Variants in UBAP2 observed in about 807,000 individuals in gnomAD.
UBAP2 encodes ubiquitin-associated protein 2.
UBAP2 carries 75 observed loss-of-function variants against 139.6 expected under a neutral mutation model. The ratio of observed to expected loss-of-function variants is 0.54; its 90% CI spans 0.45 to 0.65. The LOEUF is 0.65. Among genes scored for constraint, UBAP2 ranks in the 30% least tolerant of loss-of-function variants. The pLI is 0.00. For missense variants in UBAP2, 1,368 were observed against 1,369.6 expected (o/e 1.00, Z 0.02); for synonymous variants, 526 against 526.2 (o/e 1.00, Z 0.01).
chr9:33,945,601 C>G (rs1319326107), intron 13 of UBAP2, among the ~76,000 whole-genome samples: 1 of 152,220 alleles, frequency 6.6e-6, no homozygotes, highest in African/African-American at 2.4e-5. Flanking sequence ...AAGGCAAACA[C>G]TGTACCCGGT....
intron 8 of UBAP2, among the ~76,000 whole-genome samples, chr9:33,970,964 G>A (rs1254750922): frequency 6.6e-6 from 1 of 151,906 alleles, no homozygotes; most frequent in African/African-American, 2.4e-5. Context: ...CACCATGCCC[G>A]GCTAATTTTT....
chr9:34,033,418 T>C (rs761226861), intron 1 of UBAP2, among the ~76,000 whole-genome samples: 2 of 152,018 alleles, frequency 1.3e-5, no homozygotes, highest in Admixed American at 6.6e-5. Context: ...ATCAAAACAA[T>C]TGAACTCATA....
At chr9:34,025,936 C>T (rs147501590) in intron 1 of UBAP2, among the ~76,000 whole-genome samples, 7 of 152,102 alleles carry the variant, frequency 4.6e-5, no homozygotes, top group East Asian at 1.9e-4. Context: ...GTGAAACAGC[C>T]GCATTTTCAA....
At chr9:34,026,996 C>T (rs1825453471) in intron 1 of UBAP2, among the ~76,000 whole-genome samples, 1 of 152,168 alleles carries the variant, frequency 6.6e-6, no homozygotes, top group African/African-American at 2.4e-5. Context: ...CAGATCTCAC[C>T]TAGCTTCTCA....
At chr9:33,979,055 C>G (rs1389893180) in intron 6 of UBAP2, among the ~76,000 whole-genome samples, 1 of 151,992 alleles carries the variant, frequency 6.6e-6, no homozygotes, top group Non-Finnish European at 1.5e-5. Flanking sequence ...CTGGGCAACA[C>G]ACAGAGACCT....
At chr9:34,017,359 G>A (rs1001762083) in intron 1 of UBAP2, among the ~76,000 whole-genome samples, 170 bp from the exon 2 acceptor site, 1 of 152,078 alleles carries the variant, frequency 6.6e-6, no homozygotes, top group Non-Finnish European at 1.5e-5. Flanking sequence ...AAACCAATTC[G>A]ACTACTGCAA....
At chr9:34,019,038 T>C (rs1824658897) in intron 1 of UBAP2, among the ~76,000 whole-genome samples, 2 of 152,114 alleles carry the variant, frequency 1.3e-5, no homozygotes, top group African/African-American at 2.4e-5. Flanking sequence ...AGGGAAGATA[T>C]TCTAACACAT....
chr9:33,973,067 T>C, intron 7 of UBAP2, 116 bp downstream of exon 7: 1 of 884,800 alleles, frequency 1.1e-6, no homozygotes, highest in Non-Finnish European at 1.8e-6. Context: ...TCTCTTTAAG[T>C]ATAGAAAACA....
At chr9:34,029,766 G>C (rs145507881) in intron 1 of UBAP2, among the ~76,000 whole-genome samples, 2,290 of 149,964 alleles carry the variant, frequency 0.015, 20 homozygotes, top group Middle Eastern at 0.03. Flanking sequence ...AAGGCAGGTG[G>C]ATCATGAGAT....
intron 12 of UBAP2, 71 bp downstream of exon 12, chr9:33,953,214 A>G (rs1445365525): frequency 4.4e-6 from 6 of 1,367,474 alleles, no homozygotes; most frequent in South Asian, 2.8e-5. Flanking sequence ...TAAAGCATGT[A>G]TCATATTCTA....
chr9:34,039,413 G>A (rs1266813948), intron 1 of UBAP2, among the ~76,000 whole-genome samples: 1 of 152,214 alleles, frequency 6.6e-6, no homozygotes, highest in Non-Finnish European at 1.5e-5. Context: ...GAATAGAAAA[G>A]GGGGAAATGT....
chr9:33,947,782 GCCACTGTA>G (rs1825758095), intron 13 of UBAP2, among the ~76,000 whole-genome samples: 1 of 151,050 alleles, frequency 6.6e-6, no homozygotes, highest in African/African-American at 2.4e-5. Flanking sequence ...GCGTTACTGT[GCCACTGTA>G]CTCCAGCCTG....
chr9:33,952,233 C>T (rs144982320), intron 12 of UBAP2, among the ~76,000 whole-genome samples: 1 of 152,270 alleles, frequency 6.6e-6, no homozygotes, highest in African/African-American at 2.4e-5. Flanking sequence ...TTCTAACTTC[C>T]CCTTGCCAGC....
chr9:34,041,011 C>CT (rs955510870), intron 1 of UBAP2, among the ~76,000 whole-genome samples: 19 of 152,116 alleles, frequency 1.2e-4, no homozygotes, highest in African/African-American at 4.6e-4. Context: ...AGAAAATGGA[C>CT]TTTGTTTGTT....
At chr9:33,927,517 T>C (rs1395665627) in intron 20 of UBAP2, among the ~76,000 whole-genome samples, 2 of 152,120 alleles carry the variant, frequency 1.3e-5, no homozygotes, top group Non-Finnish European at 1.5e-5. Flanking sequence ...GAGCCCACCA[T>C]AAGTCATCCC....
At chr9:34,026,818 T>A (rs1329815878) in intron 1 of UBAP2, among the ~76,000 whole-genome samples, 6 of 152,166 alleles carry the variant, frequency 3.9e-5, no homozygotes, top group Admixed American at 2.6e-4. Context: ...CCCAGGACAT[T>A]TGGCTCTACA....
In UBAP2 at chr9:33,948,410, G is replaced by T. The variant is rs1050757981; in HGVS notation, c.1234C>A (p.Pro412Thr). ...AGGACTGAGGACTGGGATGTTGGGG[G>T]CTTGAGGTCCCAAGAAGTAGTAGTT... Reference protein sequence around the residue: ...PTTTTSWDLKPPTSQSSVLSH... With the variant: ...PTTTTSWDLKTPTSQSSVLSH... Residue 412 changes from proline to threonine, a missense_variant, in exon 13 of 29, where the codon CCC (proline) becomes ACC (threonine). By Grantham distance (38) the Pro-to-Thr change is conservative. Coordinates refer to ENST00000379238, the MANE Select transcript of UBAP2 (RefSeq NM_001370062.2). 6.2e-7 allele frequency: 1 copy of T among 1,613,504 alleles called. No homozygotes were observed. Among genetic ancestry groups the T allele is most frequent in the East Asian group, 2.2e-5 (1 of 44,868 alleles).
At chr9:33,955,834 GA>G (rs34598165) in intron 11 of UBAP2, among the ~76,000 whole-genome samples, 2,511 of 75,010 alleles carry the variant, frequency 0.033, 70 homozygotes, top group African/African-American at 0.1. Flanking sequence ...TCTCAAAATA[GA>G]AAAAAAAAAA....
chr9:33,996,284 T>A lies in UBAP2; in HGVS notation c.227A>T (p.His76Leu). Residue 76 changes from histidine to leucine, a missense_variant, in exon 4 of 29, where the codon CAT (histidine) becomes CTT (leucine). By Grantham distance (99) the His-to-Leu change is moderately conservative. Transcript: ENST00000379238. ...KNQDECIVAL[H>L]DCNGDVNKAI... ...TTTGTTCACATCTCCATTACAATCA[T>A]GTAGGGCCACTATGCATTCATCCTG... 2 of 1,613,796 alleles carry A rather than the reference T, an allele frequency of 1.2e-6. No individual in the cohort carries two copies. Among genetic ancestry groups the A allele is most frequent in the Non-Finnish European group, 1.7e-6 (2 of 1,179,948 alleles).
Sources: allele counts gnomAD v4.1 joint callset (sites outside exome capture counted in the v4.1 genomes callset), GRCh38; gene constraint gnomAD v4.1.1; transcripts MANE v1.5; gene names NCBI Gene and HGNC (gene_info 2026-07-23, HGNC 2026-07-21).